Variants in WDR25 observed in about 807,000 individuals in gnomAD.
The protein encoded by WDR25 is WD repeat domain 25.
WDR25 carries 35 observed loss-of-function variants against 47.7 expected under a neutral mutation model. That is an observed-to-expected ratio of 0.73 (90% CI 0.56 to 0.97). The LOEUF (loss-of-function observed/expected upper bound fraction) is 0.97. WDR25 is among the 50% of genes least tolerant of loss of function. WDR25 has a pLI of 0.00. For synonymous variants in WDR25, 248 were observed against 278.9 expected (o/e 0.89, Z 1.10); for missense variants, 634 against 704.7 (o/e 0.90, Z 1.14).
chr14:100,481,128 A>T (rs1362693910), intron 3 of WDR25: 30 of 394,956 alleles, frequency 7.6e-5, no homozygotes, highest in East Asian at 3.4e-4. Flanking sequence ...AAAAAAAAAA[A>T]AAAAGGGAAA....
At chr14:100,400,131 G>A (rs1323924363) in intron 2 of WDR25, among the ~76,000 whole-genome samples, 2 of 152,238 alleles carry the variant, frequency 1.3e-5, no homozygotes, top group Non-Finnish European at 2.9e-5. Context: ...GTGCTGTGGG[G>A]CACCAGGAGT....
chr14:100,383,919 G>A (rs1006264107), intron 2 of WDR25, among the ~76,000 whole-genome samples: 1 of 152,332 alleles, frequency 6.6e-6, no homozygotes, highest in South Asian at 2.1e-4. Context: ...CAGACTGAGG[G>A]ACTGTGGTAG....
At chr14:100,393,794 G>A (rs1897195227) in intron 2 of WDR25, among the ~76,000 whole-genome samples, 1 of 152,180 alleles carries the variant, frequency 6.6e-6, no homozygotes, top group Non-Finnish European at 1.5e-5. Flanking sequence ...CAGACCTTGG[G>A]CTCCAAGGCC....
chr14:100,529,058 C>G lies in WDR25; in HGVS notation c.1273-10C>G. On this transcript the variant is annotated splice_polypyrimidine_tract_variant and intron_variant, in intron 5 of 6. Coordinates refer to ENST00000402312, the MANE Select transcript of WDR25 (RefSeq NM_001161476.3). The surrounding 1 kb of genome is among the most constrained non-coding windows in gnomAD (Gnocchi z 5.1). ...CTTCTCTGACCCATTTGTGGCTCTG[C>G]TGTTCTCAGGAGAGGTTCACCTGCC... The G allele has an allele frequency of 6.5e-7, 1 of 1,527,410 alleles. No homozygotes were observed. Among genetic ancestry groups the G allele is most frequent in the Non-Finnish European group, 8.8e-7 (1 of 1,132,254 alleles). 94.6% of individuals were successfully genotyped at this position (1,527,410 alleles called of 1,614,324 possible).
At chr14:100,489,870 C>T (rs941195342) in intron 4 of WDR25, among the ~76,000 whole-genome samples, 1 of 152,228 alleles carries the variant, frequency 6.6e-6, no homozygotes, top group African/African-American at 2.4e-5. Context: ...CTCTGGGACT[C>T]TCATGATAAA....
In WDR25 at chr14:100,456,381, T is replaced by TA. The variant is rs530460678; in HGVS notation, c.823-11632dup. Among the ~76,000 whole-genome samples, 46 of 151,574 alleles carry TA rather than the reference T, an allele frequency of 3.0e-4. 2 individuals are homozygous for TA. In the South Asian group the frequency reaches 8.1e-3, roughly 27 times the overall value. On this transcript the variant is annotated intron_variant, in intron 2 of 6. Transcript: ENST00000402312. ...AAAGATTACAAAACATGCAAAGAAGTAAAAAAAATATGAACCATGATGAGA... is the reference window on the plus strand; with the variant it reads ...AAAGATTACAAAACATGCAAAGAAGTAAAAAAAAATATGAACCATGATGAGA...
Position 100,523,303 on chromosome 14 carries a change from G to A in WDR25, c.1102-2567G>A, listed in dbSNP as rs1314449914. Among the ~76,000 whole-genome samples, 7 of 152,324 alleles carry A rather than the reference G, an allele frequency of 4.6e-5. No homozygotes were observed. The South Asian group carries it at 8.3e-4, about 18-fold the overall frequency. On this transcript the variant is annotated intron_variant, in intron 4 of 6. Coordinates refer to ENST00000402312, the MANE Select transcript of WDR25 (RefSeq NM_001161476.3). The surrounding 1 kb of genome is among the most constrained non-coding windows in gnomAD (Gnocchi z 4.7). The stretch of plus-strand genomic sequence containing the variant: ...TGCCAGGAGCTCACAGTCCTGTGGC[G>A]TAGGCAGGTGGCTGATGTGGGCAGC...
At chr14:100,481,570 T>TG (rs1900205838) in intron 3 of WDR25, among the ~76,000 whole-genome samples, 2 of 151,982 alleles carry the variant, frequency 1.3e-5, no homozygotes, top group Admixed American at 1.3e-4. Flanking sequence ...ATTCCATACA[T>TG]GGGGGGTTAG....
chr14:100,482,568 C>T (rs1220659290), intron 3 of WDR25, among the ~76,000 whole-genome samples: 1 of 152,060 alleles, frequency 6.6e-6, no homozygotes, highest in Non-Finnish European at 1.5e-5. Flanking sequence ...AGCTTGGAGA[C>T]CATGGATCTA....
In WDR25 at chr14:100,449,969, T is replaced by C. The variant is rs1171172715; in HGVS notation, c.823-18052T>C. 3.3e-5 allele frequency among the ~76,000 whole-genome samples: 5 copies of C among 152,206 alleles called. No homozygotes were observed. The highest frequency in any genetic ancestry group is 1.2e-4 in the African/African-American group (5 of 41,442). On this transcript the variant is annotated intron_variant, in intron 2 of 6. Coordinates refer to ENST00000402312, the MANE Select transcript of WDR25 (RefSeq NM_001161476.3). This position sits in a 1 kb window ranked among gnomAD's most constrained non-coding sequence, Gnocchi z 4.2. ...AAGTCCCAGTGATTCTTCTCTAAAC[T>C]GGGCATTCAGTGCGTCCACAGTCCG...
rs760634961 is a variant in WDR25 at position 100,468,075 on chromosome 14, G to C, written c.877G>C (p.Glu293Gln). The change falls in exon 3 of 7, where the codon GAG becomes CAG. Residue 293 changes from glutamate (E) to glutamine (Q), a missense_variant. Glu to Gln is a conservative substitution (Grantham distance 29). Transcript: ENST00000402312. This position sits in a 1 kb window ranked among gnomAD's most constrained non-coding sequence, Gnocchi z 4.5. Reference protein sequence around the residue: ...HCLQTYSLHTEAVRAARWAPC... With the variant: ...HCLQTYSLHTQAVRAARWAPC... ...CCTGCAGACCTACTCCCTGCACACA[G>C]AGGCAGTGCGGGCCGCCCGGTGGGC... is the stretch of plus-strand genomic sequence containing the variant. 6 of 1,613,448 alleles carry C rather than the reference G, an allele frequency of 3.7e-6. No homozygotes were observed. Among genetic ancestry groups the C allele is most frequent in the South Asian group, 1.1e-5 (1 of 91,078 alleles).
At chr14:100,496,984 T>A (rs1180168885) in intron 4 of WDR25, among the ~76,000 whole-genome samples, 1 of 152,026 alleles carries the variant, frequency 6.6e-6, no homozygotes, top group Non-Finnish European at 1.5e-5. Context: ...TACAGGCATG[T>A]GCCACCACGC....
intron 2 of WDR25, among the ~76,000 whole-genome samples, chr14:100,427,303 C>G (rs1173213927): frequency 1.3e-5 from 2 of 152,228 alleles, no homozygotes; most frequent in African/African-American, 2.4e-5. Flanking sequence ...GATGCATCCA[C>G]CAGTGTGCTC....
intron 2 of WDR25, among the ~76,000 whole-genome samples, chr14:100,426,616 G>A (rs1535465): frequency 0.37 from 55,515 of 152,086 alleles, 11,983 homozygotes; most frequent in South Asian, 0.64. Context: ...TCTTCACTCT[G>A]CCCCTTCCCT....
chr14:100,484,046 C>A lies in WDR25; in HGVS notation c.1023C>A (p.Phe341Leu). 6.2e-7 allele frequency: 1 copy of A among 1,613,770 alleles called. No individual in the cohort carries two copies. Among genetic ancestry groups the A allele is most frequent in the Admixed American group, 1.7e-5 (1 of 59,940 alleles). The change falls in exon 4 of 7, where the codon TTC becomes TTA. Residue 341 changes from phenylalanine to leucine, a missense_variant. Physicochemically the swap from Phe to Leu is conservative, Grantham distance 22. Transcript: ENST00000402312. ...ACTTTAGAATCACTACCTTGAAATT[C>A]CATCCAAAAGACCACAACATCTTTT... is the stretch of plus-strand genomic sequence containing the variant. Reference protein sequence around the residue: ...RSDFRITTLKFHPKDHNIFLC... With the variant: ...RSDFRITTLKLHPKDHNIFLC...
At chr14:100,377,605 C>G (rs1427924560) in intron 1 of WDR25, among the ~76,000 whole-genome samples, 2 of 152,062 alleles carry the variant, frequency 1.3e-5, no homozygotes, top group Admixed American at 6.5e-5. Context: ...CCACCGCGCC[C>G]GGTCGTTTTA....
chr14:100,516,675 T>C (rs1901506447), intron 4 of WDR25, among the ~76,000 whole-genome samples: 1 of 152,226 alleles, frequency 6.6e-6, no homozygotes. Flanking sequence ...GCTATTAATA[T>C]GGTCACTTCA....
intron 3 of WDR25, among the ~76,000 whole-genome samples, chr14:100,470,181 C>A (rs536143199): frequency 2.0e-4 from 31 of 152,244 alleles, no homozygotes; most frequent in African/African-American, 7.0e-4. Context: ...TAGGTTCTTG[C>A]AGATGGAACA....
intron 4 of WDR25, among the ~76,000 whole-genome samples, chr14:100,508,748 A>G (rs1901201634): frequency 6.6e-6 from 1 of 152,140 alleles, no homozygotes; most frequent in South Asian, 2.1e-4. Context: ...TTGGTTTTTC[A>G]TAGATACCTT....
Sources: gnomAD v4.1 joint callset for allele counts (sites outside exome capture counted in the v4.1 genomes callset) on GRCh38, gnomAD v4.1.1 for gene constraint, Gnocchi (gnomAD v3.1) non-coding constraint, MANE v1.5 for transcripts, NCBI Gene and HGNC (gene_info 2026-07-23, HGNC 2026-07-21) for gene names.